Variants in ZFHX3 observed in about 807,000 individuals in gnomAD.
ZFHX3 encodes zinc finger homeobox protein 3.
Under a neutral mutation model 279.1 loss-of-function variants are expected in ZFHX3, and 42 were observed. The ratio of observed to expected loss-of-function variants is 0.15; its 90% CI spans 0.12 to 0.19. The LOEUF is 0.19. Among genes scored for constraint, ZFHX3 ranks in the 10% least tolerant of loss-of-function variants. The pLI, the probability that ZFHX3 is intolerant of heterozygous loss-of-function variation, is 1.00. For synonymous variants in ZFHX3, 2,293 were observed against 1,957.8 expected, an observed-to-expected ratio of 1.17 and a Z score of -4.52; for missense variants, 4,981 against 4,754.0, an observed-to-expected ratio of 1.05 and a Z score of -1.40.
At chr16:73,223,210 A>G (rs2012480488) in intron 5 of ZFHX3, among the ~76,000 whole-genome samples, 1 of 152,138 alleles carries the variant, frequency 6.6e-6, no homozygotes. Context: ...GAATGAAAGA[A>G]TTGATAAACT....
At chr16:73,736,549 G>A (rs1243978421) in intron 1 of ZFHX3, among the ~76,000 whole-genome samples, 1 of 152,134 alleles carries the variant, frequency 6.6e-6, no homozygotes, top group Non-Finnish European at 1.5e-5. Flanking sequence ...CTGGCAAACA[G>A]AAATAAAAGG....
chr16:73,765,525 T>C (rs1424175619), intron 1 of ZFHX3, among the ~76,000 whole-genome samples: 1 of 152,214 alleles, frequency 6.6e-6, no homozygotes, highest in Non-Finnish European at 1.5e-5. Flanking sequence ...TGTTCATGGC[T>C]CTTGGGCCCA....
intron 2 of ZFHX3, among the ~76,000 whole-genome samples, chr16:73,471,415 CTTTTTTT>C (rs575645647): frequency 6.9e-6 from 1 of 145,736 alleles, no homozygotes; most frequent in Non-Finnish European, 1.5e-5. Flanking sequence ...CTTTTTCTTT[CTTTTTTT>C]TTTTAGACAG....
intron 3 of ZFHX3, among the ~76,000 whole-genome samples, chr16:72,941,016 G>A (rs1469014329): frequency 6.6e-6 from 1 of 152,198 alleles, no homozygotes; most frequent in African/African-American, 2.4e-5. Context: ...GAATTTTCAT[G>A]GTCTACATAT....
chr16:73,792,894 A>T (rs1297426231), intron 1 of ZFHX3, among the ~76,000 whole-genome samples: 1 of 148,360 alleles, frequency 6.7e-6, no homozygotes, highest in Non-Finnish European at 1.5e-5. Context: ...CAAAGCCAAA[A>T]CAGATGTAGC....
chr16:73,286,599 C>A (rs1281026820), intron 4 of ZFHX3, among the ~76,000 whole-genome samples: 1 of 135,036 alleles, frequency 7.4e-6, no homozygotes, highest in African/African-American at 2.9e-5. Context: ...CTGTGTGGGT[C>A]TCTGCGTAGC....
chr16:73,493,654 C>A (rs530806358), intron 2 of ZFHX3, among the ~76,000 whole-genome samples: 1 of 152,278 alleles, frequency 6.6e-6, no homozygotes, highest in South Asian at 2.1e-4. Flanking sequence ...TCCTGAGCTC[C>A]TAGGGTCAAC....
intron 4 of ZFHX3, among the ~76,000 whole-genome samples, chr16:72,883,131 A>C (rs150155927): frequency 6.6e-6 from 1 of 152,048 alleles, no homozygotes; most frequent in African/African-American, 2.4e-5. Context: ...AAGCCATCAC[A>C]ATTACAAATG....
At chr16:73,074,514 A>G (rs1045709822) in intron 8 of ZFHX3, among the ~76,000 whole-genome samples, 2 of 152,224 alleles carry the variant, frequency 1.3e-5, no homozygotes, top group African/African-American at 2.4e-5. Context: ...ACACATCTCC[A>G]TAAACGCCCA....
chr16:73,222,304 T>C (rs946800302), intron 5 of ZFHX3, among the ~76,000 whole-genome samples: 1 of 152,032 alleles, frequency 6.6e-6, no homozygotes, highest in African/African-American at 2.4e-5. Context: ...GATGATATCG[T>C]CTATGTAGGA....
At chr16:72,846,478 C>T (rs2037483786) in intron 4 of ZFHX3, among the ~76,000 whole-genome samples, 1 of 152,154 alleles carries the variant, frequency 6.6e-6, no homozygotes. Flanking sequence ...AGGCCACGGG[C>T]ACTGTGAGCA....
At chr16:72,990,745 C>A (rs1210383159) in intron 1 of ZFHX3, among the ~76,000 whole-genome samples, 1 of 152,142 alleles carries the variant, frequency 6.6e-6, no homozygotes, top group Non-Finnish European at 1.5e-5. Context: ...CTCTGAGAGT[C>A]CGAGGCAGGT....
chr16:73,498,396 G>A (rs908936612), intron 2 of ZFHX3, among the ~76,000 whole-genome samples: 1 of 152,180 alleles, frequency 6.6e-6, no homozygotes, highest in Non-Finnish European at 1.5e-5. Flanking sequence ...GTGTGTATAT[G>A]TAAAAATTAA....
Position 72,794,159 on chromosome 16 carries a change from T to G in ZFHX3, c.8523A>C (p.Ala2841=). ...CGTCTCCAGTTGTGGTATCTGTGAT[T>G]GCTGTGTTGACAGAGGAACAGTCAT... ...DNDDCSSVNT[A]ITDTTTGDEG... is the part of the protein sequence containing the mutation. Residue 2841 remains alanine, a synonymous_variant, in exon 9 of 10, where the codon GCA becomes GCC. Coordinates refer to ENST00000268489, the MANE Select transcript of ZFHX3 (RefSeq NM_006885.4). The surrounding 1 kb of genome is among the most constrained non-coding windows in gnomAD (Gnocchi z 4.2). 2 of 1,614,226 alleles carry G rather than the reference T, an allele frequency of 1.2e-6. No homozygotes were observed. Among genetic ancestry groups the G allele is most frequent in the Non-Finnish European group, 8.5e-7 (1 of 1,180,042 alleles).
At chr16:72,837,193 C>T (rs925555384) in intron 4 of ZFHX3, among the ~76,000 whole-genome samples, 1 of 152,148 alleles carries the variant, frequency 6.6e-6, no homozygotes, top group Non-Finnish European at 1.5e-5. Context: ...ATTTTCTCAC[C>T]CACTTAATCT....
chr16:73,450,457 A>T (rs1011443055), intron 3 of ZFHX3, among the ~76,000 whole-genome samples: 35 of 116,186 alleles, frequency 3.0e-4, no homozygotes, highest in African/African-American at 6.8e-4. Flanking sequence ...TCATTTTTAT[A>T]AAAAAAAAGT....
At chr16:72,985,050 GC>G in intron 1 of ZFHX3, among the ~76,000 whole-genome samples, 1 of 151,598 alleles carries the variant, frequency 6.6e-6, no homozygotes, top group African/African-American at 2.4e-5. Flanking sequence ...ACACCAACAC[GC>G]CCCCACAGGC....
intron 2 of ZFHX3, among the ~76,000 whole-genome samples, chr16:73,533,821 ATCT>A (rs1312403696): frequency 2.6e-5 from 4 of 152,088 alleles, no homozygotes; most frequent in African/African-American, 9.7e-5. Flanking sequence ...CCATCAGGAA[ATCT>A]TCTTGGTGCT....
intron 5 of ZFHX3, among the ~76,000 whole-genome samples, chr16:73,236,303 G>A (rs73597370): frequency 0.09 from 13,659 of 152,208 alleles, 1,016 homozygotes; most frequent in East Asian, 0.45. Flanking sequence ...CTTTCTTTAA[G>A]GTAGTGATCT....
Sources: allele counts gnomAD v4.1 joint callset (sites outside exome capture counted in the v4.1 genomes callset), GRCh38; gene constraint gnomAD v4.1.1; non-coding constraint Gnocchi (gnomAD v3.1); transcripts MANE v1.5; gene names NCBI Gene and HGNC (gene_info 2026-07-23, HGNC 2026-07-21).